The following TIAM1 variants were observed in gnomAD, a reference collection of about 807,000 sequenced individuals.
TIAM1 encodes the protein rho guanine nucleotide exchange factor TIAM1.
In TIAM1, 65 loss-of-function variants were observed where a neutral mutation model predicts 163.5. The ratio of observed to expected loss-of-function variants is 0.40; its 90% CI spans 0.33 to 0.49. The LOEUF (loss-of-function observed/expected upper bound fraction) is 0.49. Among genes scored for constraint, TIAM1 ranks in the 20% least tolerant of loss-of-function variants. TIAM1 has a pLI of 0.77. For synonymous variants in TIAM1, 833 were observed against 810.1 expected (o/e 1.03, Z -0.48); for missense variants, 1,789 against 2,044.7 (o/e 0.87, Z 2.41).
intron 1 of TIAM1, among the ~76,000 whole-genome samples, chr21:31,542,253 G>C (rs191888947): frequency 1.3e-5 from 2 of 151,776 alleles, no homozygotes; most frequent in Non-Finnish European, 2.9e-5. Flanking sequence ...GTGAAACTCC[G>C]TCTCTACTAA....
intron 2 of TIAM1, among the ~76,000 whole-genome samples, chr21:31,335,835 C>T (rs1382099682): frequency 3.0e-4 from 45 of 152,166 alleles, no homozygotes; most frequent in Non-Finnish European, 2.9e-5. Flanking sequence ...GGAACAGTCA[C>T]GAGTTTAGAA....
At chr21:31,148,881 C>G (rs1019864505) in intron 19 of TIAM1, among the ~76,000 whole-genome samples, 1 of 152,152 alleles carries the variant, frequency 6.6e-6, no homozygotes, top group African/African-American at 2.4e-5. Context: ...GACATCAGAA[C>G]TAATTATTTC....
intron 2 of TIAM1, among the ~76,000 whole-genome samples, chr21:31,338,801 C>A (rs911821537): frequency 6.6e-6 from 1 of 152,166 alleles, no homozygotes; most frequent in Non-Finnish European, 1.5e-5. Context: ...TCCACTTGAA[C>A]AAAACCACTT....
At chr21:31,554,661 C>A (rs2048811157) in intron 1 of TIAM1, among the ~76,000 whole-genome samples, 1 of 152,188 alleles carries the variant, frequency 6.6e-6, no homozygotes, top group African/African-American at 2.4e-5. Context: ...TTAACATCCT[C>A]TGAAAGCAGA....
At chr21:31,347,107 T>A (rs1353747839), upstream of TIAM1, among the ~76,000 whole-genome samples, 1 of 152,176 alleles carries the variant, frequency 6.6e-6, no homozygotes, top group African/African-American at 2.4e-5. Flanking sequence ...CCTTCTTCCC[T>A]ATCTCTCAGG....
At chr21:31,436,414 G>T (rs1214361276) in intron 2 of TIAM1, among the ~76,000 whole-genome samples, 1 of 152,176 alleles carries the variant, frequency 6.6e-6, no homozygotes, top group Admixed American at 6.5e-5. Context: ...AAGGCAGGCA[G>T]TCAGCAGTTT....
chr21:31,415,104 G>A (rs2043325922), intron 2 of TIAM1, among the ~76,000 whole-genome samples: 1 of 152,148 alleles, frequency 6.6e-6, no homozygotes, highest in Admixed American at 6.5e-5. Flanking sequence ...AAAATCAGCA[G>A]TCCACGTAAA....
At chr21:31,392,440 G>A (rs542778696) in intron 2 of TIAM1, among the ~76,000 whole-genome samples, 1 of 151,910 alleles carries the variant, frequency 6.6e-6, no homozygotes, top group East Asian at 1.9e-4. Flanking sequence ...CATGGTGGCA[G>A]GCGCCTGTAA....
chr21:31,404,585 T>G (rs879344979), intron 2 of TIAM1, among the ~76,000 whole-genome samples: 2 of 151,758 alleles, frequency 1.3e-5, no homozygotes, highest in African/African-American at 2.4e-5. Flanking sequence ...CCCAGTCTGG[T>G]CTGGAATTCC....
intron 4 of TIAM1, among the ~76,000 whole-genome samples, chr21:31,253,035 TCTGCTCTGA>T (rs1195763151): frequency 2.6e-5 from 4 of 152,248 alleles, no homozygotes; most frequent in African/African-American, 9.6e-5. Flanking sequence ...CAAAGCTGCT[TCTGCTCTGA>T]AGCTGAACAT....
At chr21:31,319,649 G>A (rs528090307) in intron 2 of TIAM1, among the ~76,000 whole-genome samples, 5 of 151,778 alleles carry the variant, frequency 3.3e-5, no homozygotes, top group Admixed American at 2.0e-4. Flanking sequence ...GCATGGTGGC[G>A]GGCACCTGTG....
intron 2 of TIAM1, among the ~76,000 whole-genome samples, chr21:31,374,039 C>T (rs571425294): frequency 1.3e-4 from 20 of 152,152 alleles, no homozygotes; most frequent in Admixed American, 3.3e-4. Context: ...CCTTTCCCCT[C>T]CTTGGTATCT....
chr21:31,311,170 TTG>T (rs1339417661), intron 2 of TIAM1, among the ~76,000 whole-genome samples: 5 of 100,488 alleles, frequency 5.0e-5, no homozygotes, highest in Admixed American at 8.8e-5. Context: ...TTTGTTTGTT[TTG>T]TTTTTTTTTT....
chr21:31,387,511 C>A (rs1602154933), intron 2 of TIAM1, among the ~76,000 whole-genome samples: 1 of 151,868 alleles, frequency 6.6e-6, no homozygotes, highest in Non-Finnish European at 1.5e-5. Flanking sequence ...CCGAGCCTGG[C>A]CTGTCTTTTT....
At chr21:31,410,391 T>G (rs114365626) in intron 2 of TIAM1, among the ~76,000 whole-genome samples, 9,475 of 151,934 alleles carry the variant, frequency 0.062, 605 homozygotes, top group African/African-American at 0.16. Flanking sequence ...TGTGTGACGG[T>G]ACGTAAATGA....
intron 1 of TIAM1, among the ~76,000 whole-genome samples, chr21:31,497,480 AT>A (rs1332446881): frequency 2.0e-5 from 3 of 152,180 alleles, no homozygotes; most frequent in Non-Finnish European, 4.4e-5. Flanking sequence ...ACTGATATGT[AT>A]TTATTTGGAT....
intron 1 of TIAM1, among the ~76,000 whole-genome samples, chr21:31,543,078 G>A (rs1036655119): frequency 6.6e-6 from 1 of 152,182 alleles, no homozygotes; most frequent in Non-Finnish European, 1.5e-5. Context: ...CTGTTTATCT[G>A]CTGGTTCCAA....
chr21:31,245,378 A>T (rs1601686709), intron 6 of TIAM1, 110 bp downstream of exon 6: 338 of 691,658 alleles, frequency 4.9e-4, no homozygotes, highest in East Asian at 3.0e-3. Context: ...CCACTAAAAA[A>T]AAAAAAAAAA....
At chr21:31,272,215 T>C (rs143125164) in intron 3 of TIAM1, among the ~76,000 whole-genome samples, 6 of 152,304 alleles carry the variant, frequency 3.9e-5, no homozygotes, top group African/African-American at 1.4e-4. Context: ...GTGTTGAATA[T>C]TTCATGTAAC....
Sources: allele counts gnomAD v4.1 joint callset (sites outside exome capture counted in the v4.1 genomes callset), GRCh38; gene constraint gnomAD v4.1.1; transcripts MANE v1.5; gene names NCBI Gene and HGNC (gene_info 2026-07-23, HGNC 2026-07-21).